The following ANKS1B variants were observed in gnomAD, a reference collection of about 807,000 sequenced individuals.
ANKS1B encodes ankyrin repeat and sterile alpha motif domain-containing protein 1B.
Under a neutral mutation model 148.3 loss-of-function variants are expected in ANKS1B, and 36 were observed. The observed-to-expected ratio is 0.24, with a 90% CI of 0.19 to 0.32. ANKS1B has a LOEUF of 0.32. ANKS1B is among the 10% of genes least tolerant of loss of function. The pLI is 1.00. For synonymous variants in ANKS1B, 542 were observed against 560.8 expected, an observed-to-expected ratio of 0.97 and a Z score of 0.47; for missense variants, 1,157 against 1,542.6, an observed-to-expected ratio of 0.75 and a Z score of 4.19.
intron 15 of ANKS1B, chr12:99,093,260 C>A (rs1208465815): frequency 6.6e-6 from 1 of 152,208 alleles, no homozygotes; most frequent in East Asian, 1.9e-4. Flanking sequence ...TCCTTCTAAA[C>A]TACCTTAGTG....
intron 19 of ANKS1B, among the ~76,000 whole-genome samples, chr12:98,812,658 C>T (rs942397933): frequency 3.3e-5 from 5 of 152,114 alleles, no homozygotes; most frequent in Middle Eastern, 3.4e-3. Context: ...GCTGCAACCT[C>T]CGCTTCCTGG....
intron 1 of ANKS1B, among the ~76,000 whole-genome samples, chr12:99,938,620 G>A (rs1439581239): frequency 2.0e-5 from 3 of 152,158 alleles, no homozygotes; most frequent in South Asian, 4.1e-4. Flanking sequence ...GTCACCACTG[G>A]TGACATGAAA....
chr12:99,254,395 G>C (rs540526452), intron 12 of ANKS1B, among the ~76,000 whole-genome samples: 2 of 152,330 alleles, frequency 1.3e-5, no homozygotes, highest in South Asian at 4.1e-4. Flanking sequence ...TATCTCATGA[G>C]TGTACAGTAG....
chr12:99,206,912 A>G (rs1480910680), intron 14 of ANKS1B, among the ~76,000 whole-genome samples: 1 of 152,216 alleles, frequency 6.6e-6, no homozygotes, highest in Non-Finnish European at 1.5e-5. Flanking sequence ...GAGAGAGAGT[A>G]CTGGTCTAAA....
chr12:99,890,521 T>C (rs1306195581), intron 1 of ANKS1B, among the ~76,000 whole-genome samples: 1 of 151,510 alleles, frequency 6.6e-6, no homozygotes, highest in East Asian at 2.0e-4. Context: ...GCTCCCATAA[T>C]CACATGAGCG....
chr12:98,977,837 T>C (rs1330245086), intron 17 of ANKS1B, among the ~76,000 whole-genome samples: 3 of 152,148 alleles, frequency 2.0e-5, no homozygotes, highest in East Asian at 1.9e-4. Flanking sequence ...ATACAGTCAA[T>C]AGACATTGGT....
intron 9 of ANKS1B, among the ~76,000 whole-genome samples, chr12:99,582,875 A>G (rs1462270141): frequency 6.6e-6 from 1 of 152,186 alleles, no homozygotes; most frequent in African/African-American, 2.4e-5. Context: ...CAAAATAAAT[A>G]TTCAAAATTT....
intron 6 of ANKS1B, among the ~76,000 whole-genome samples, chr12:99,778,206 A>G (rs2063877649): frequency 6.9e-6 from 1 of 144,194 alleles, no homozygotes; most frequent in African/African-American, 2.8e-5. Flanking sequence ...TCTCAAAAAG[A>G]AAAAAAAAGT....
At chr12:99,391,024 C>T (rs1371035724) in intron 12 of ANKS1B, among the ~76,000 whole-genome samples, 1 of 152,244 alleles carries the variant, frequency 6.6e-6, no homozygotes, top group East Asian at 1.9e-4. Context: ...CACAGGTATA[C>T]TGGAAGGGAT....
chr12:98,884,244 T>G (rs11109648), intron 17 of ANKS1B, among the ~76,000 whole-genome samples: 1 of 152,200 alleles, frequency 6.6e-6, no homozygotes, highest in Non-Finnish European at 1.5e-5. Context: ...ATATTTTCTC[T>G]GAGTTACATT....
intron 8 of ANKS1B, chr12:99,706,316 T>C (rs2055761681): frequency 6.6e-6 from 1 of 152,036 alleles, no homozygotes. Flanking sequence ...GAGAAGAAGA[T>C]GGTTGGGGTA....
At chr12:99,080,196 G>A (rs2049212269) in intron 16 of ANKS1B, among the ~76,000 whole-genome samples, 2 of 151,560 alleles carry the variant, frequency 1.3e-5, no homozygotes, top group Admixed American at 6.6e-5. Context: ...GTGTTTGGCC[G>A]CAATTGTGTG....
intron 8 of ANKS1B, among the ~76,000 whole-genome samples, chr12:99,720,574 C>T (rs1451008681): frequency 1.3e-5 from 2 of 152,206 alleles, no homozygotes; most frequent in Non-Finnish European, 2.9e-5. Flanking sequence ...ACACACCTCA[C>T]CAATCTCAGC....
chr12:99,131,752 A>T lies in ANKS1B; in HGVS notation c.2526+22537T>A, dbSNP rs776442938. ...TTCTTTTTCTTAGCTACATAAAGTTAACTTCCTCTGTGGCAAATTAAGGAC... is the reference window on the plus strand; with the variant it reads ...TTCTTTTTCTTAGCTACATAAAGTTTACTTCCTCTGTGGCAAATTAAGGAC... On this transcript the variant is annotated intron_variant, in intron 15 of 26. Transcript: ENST00000683438. 5.3e-5 allele frequency among the ~76,000 whole-genome samples: 8 copies of T among 152,280 alleles called. No homozygotes were observed. In the South Asian group the frequency reaches 1.7e-3, roughly 32 times the overall value.
At chr12:99,054,575 A>G (rs1355409977) in intron 16 of ANKS1B, among the ~76,000 whole-genome samples, 2 of 151,968 alleles carry the variant, frequency 1.3e-5, no homozygotes, top group Admixed American at 6.6e-5. Flanking sequence ...GTCTTGCTCT[A>G]TTGCCCAGGC....
At chr12:99,797,712 G>A (rs1414529567) in intron 4 of ANKS1B, among the ~76,000 whole-genome samples, 2 of 151,698 alleles carry the variant, frequency 1.3e-5, no homozygotes, top group South Asian at 2.1e-4. Flanking sequence ...ACAGCTGAGC[G>A]AAAAGTACTG....
At chr12:99,759,721 T>C (rs1407057420) in intron 8 of ANKS1B, among the ~76,000 whole-genome samples, 1 of 151,890 alleles carries the variant, frequency 6.6e-6, no homozygotes, top group African/African-American at 2.4e-5. Flanking sequence ...AATTACAAAT[T>C]AGGTACACTA....
chr12:98,755,748 A>C (rs1177114120), intron 25 of ANKS1B, among the ~76,000 whole-genome samples: 1 of 152,174 alleles, frequency 6.6e-6, no homozygotes, highest in Admixed American at 6.5e-5. Context: ...AGAGACAGAA[A>C]GTTACAGAAC....
chr12:99,143,651 G>A (rs1440789694), intron 15 of ANKS1B, among the ~76,000 whole-genome samples: 1 of 152,092 alleles, frequency 6.6e-6, no homozygotes, highest in Non-Finnish European at 1.5e-5. Context: ...TGAAATGACT[G>A]CCACTCAGAA....
Sources: gnomAD v4.1 joint callset for allele counts (sites outside exome capture counted in the v4.1 genomes callset) on GRCh38, gnomAD v4.1.1 for gene constraint, MANE v1.5 for transcripts, NCBI Gene and HGNC (gene_info 2026-07-23, HGNC 2026-07-21) for gene names.